HNF4G: variants seen among roughly 807,000 people sequenced by gnomAD.
HNF4G encodes the protein hepatocyte nuclear factor 4 gamma.
A neutral mutation model predicts 50.9 loss-of-function variants in HNF4G; 21 were observed. The observed-to-expected ratio is 0.41, with a 90% CI of 0.29 to 0.59. The LOEUF (loss-of-function observed/expected upper bound fraction) is 0.59. Ranked by LOEUF, HNF4G falls within the 20% of genes least tolerant of loss-of-function variation. HNF4G has a pLI of 0.26. For missense variants in HNF4G, 527 were observed against 559.4 expected, an observed-to-expected ratio of 0.94 and a Z score of 0.58; for synonymous variants, 198 against 185.6, an observed-to-expected ratio of 1.07 and a Z score of -0.54.
chr8:75,550,867 A>T (rs965444169), intron 3 of HNF4G, among the ~76,000 whole-genome samples: 4 of 152,044 alleles, frequency 2.6e-5, no homozygotes, highest in Non-Finnish European at 4.4e-5. Flanking sequence ...ATGTTGGTAA[A>T]CTGTCCCATG....
chr8:75,435,708 C>T (rs1188562902), intron 1 of HNF4G, among the ~76,000 whole-genome samples: 3 of 152,182 alleles, frequency 2.0e-5, no homozygotes, highest in African/African-American at 7.2e-5. Flanking sequence ...ATTCTCCTGA[C>T]TCAGCCTCCC....
intron 1 of HNF4G, among the ~76,000 whole-genome samples, chr8:75,419,048 A>G (rs903935558): frequency 1.3e-5 from 2 of 152,046 alleles, no homozygotes; most frequent in Non-Finnish European, 2.9e-5. Context: ...CTTGTTTTTT[A>G]AAAAATAATT....
intron 1 of HNF4G, among the ~76,000 whole-genome samples, chr8:75,427,349 G>A (rs151054257): frequency 1.0e-3 from 158 of 152,200 alleles, no homozygotes; most frequent in African/African-American, 3.3e-3. Flanking sequence ...AGGCTGAGGC[G>A]GGTGGATCAC....
At chr8:75,425,030 T>C (rs1024094512) in intron 1 of HNF4G, among the ~76,000 whole-genome samples, 4 of 152,008 alleles carry the variant, frequency 2.6e-5, no homozygotes, top group African/African-American at 4.8e-5. Context: ...AGCATTTCCT[T>C]TTCTCTGCAG....
intron 1 of HNF4G, among the ~76,000 whole-genome samples, chr8:75,489,162 T>C (rs1486082681): frequency 2.0e-5 from 3 of 152,194 alleles, no homozygotes; most frequent in South Asian, 2.1e-4. Flanking sequence ...ATGGTAAAGG[T>C]CCTGCCTTTC....
intron 2 of HNF4G, among the ~76,000 whole-genome samples, chr8:75,494,023 G>T (rs935257220): frequency 1.3e-5 from 2 of 151,944 alleles, no homozygotes; most frequent in African/African-American, 4.8e-5. Context: ...GCATTGTATT[G>T]CTATTTCAAA....
rs995120646 is a variant in HNF4G, at chr8:75,551,656, C to T, written c.489+162C>T. On this transcript the variant is annotated intron_variant, in intron 4 of 9. Coordinates refer to ENST00000396423, the MANE Select transcript of HNF4G (RefSeq NM_004133.5). Reference sequence around the variant, plus strand: ...TACTTTGAAAGTTTGAGTGGGACTGCTGACTTAATTTTGACTGTTCTTGAA... The same window carrying T: ...TACTTTGAAAGTTTGAGTGGGACTGTTGACTTAATTTTGACTGTTCTTGAA... Among the ~76,000 whole-genome samples, 43 of 152,172 alleles carry T rather than the reference C, an allele frequency of 2.8e-4. 1 individual carries two copies. The highest frequency in any genetic ancestry group is 1.3e-4 in the Non-Finnish European group (9 of 68,032).
At chr8:75,544,014 A>G (rs1417978783) in intron 2 of HNF4G, 35 bp downstream of exon 2, 2 of 1,527,204 alleles carry the variant, frequency 1.3e-6, no homozygotes, top group Non-Finnish European at 1.8e-6. Context: ...AGTTATCTTT[A>G]CAGATGTTTC....
intron 2 of HNF4G, among the ~76,000 whole-genome samples, chr8:75,503,211 T>G (rs1177400541): frequency 6.6e-6 from 1 of 152,112 alleles, no homozygotes; most frequent in African/African-American, 2.4e-5. Flanking sequence ...TAGCCCTGTG[T>G]TTGTGTTTGG....
intron 1 of HNF4G, among the ~76,000 whole-genome samples, chr8:75,481,450 G>GA (rs1372906583): frequency 6.6e-6 from 1 of 151,968 alleles, no homozygotes; most frequent in African/African-American, 2.4e-5. Flanking sequence ...TATCAGCCAG[G>GA]AAAAAACTTT....
chr8:75,502,388 A>G (rs1015162090), intron 2 of HNF4G, among the ~76,000 whole-genome samples: 6 of 152,322 alleles, frequency 3.9e-5, no homozygotes, highest in Admixed American at 6.5e-5. Context: ...TGAATTTTAT[A>G]AACCTGCATT....
intron 1 of HNF4G, among the ~76,000 whole-genome samples, chr8:75,470,459 C>T (rs1369381058): frequency 6.6e-6 from 1 of 152,080 alleles, no homozygotes; most frequent in Non-Finnish European, 1.5e-5. Context: ...CTGTTTCTCT[C>T]CCCCCACAGA....
rs1258303715 is a variant in HNF4G, at chr8:75,566,553, G to A, written c.*2457G>A. 6.6e-6 allele frequency: 1 copy of A among 152,178 alleles called. No homozygotes were observed. Among genetic ancestry groups the A allele is most frequent in the Non-Finnish European group, 1.5e-5 (1 of 67,958 alleles). 9.4% of individuals were successfully genotyped at this position (152,178 alleles called of 1,614,324 possible). A position where few individuals can be genotyped will look rare whatever the true frequency, so the allele number is the denominator to read the frequency against. On this transcript the variant is annotated 3_prime_UTR_variant, in exon 10 of 10. Coordinates refer to ENST00000396423, the MANE Select transcript of HNF4G (RefSeq NM_004133.5). ...ATATACTGAACTGCCATAGATGCTG[G>A]AAAAAAGGAACTGATGTTTTCAGCA...
intron 1 of HNF4G, among the ~76,000 whole-genome samples, chr8:75,452,770 G>A (rs912235733): frequency 3.3e-5 from 5 of 151,914 alleles, no homozygotes; most frequent in Admixed American, 2.6e-4. Flanking sequence ...GTAACTGTTT[G>A]AGCCATGATT....
At chr8:75,532,443 C>T (rs932649389) in intron 2 of HNF4G, among the ~76,000 whole-genome samples, 2 of 151,924 alleles carry the variant, frequency 1.3e-5, no homozygotes, top group Non-Finnish European at 2.9e-5. Flanking sequence ...GAAATATGTT[C>T]AATGTTGAGT....
rs1428053562 is a variant in HNF4G at position 75,540,845 on chromosome 8, A to ATGTGTGTGTGTGTGTG, written c.118+770_118+771insGTGTGTGTGTGTGTGT. On this transcript the variant is annotated intron_variant, in intron 1 of 9. Transcript: ENST00000396423. ...CGAGTAATTATGTATACTTTGGAAA[A>ATGTGTGTGTGTGTGTG]TGTGTATGTGTGTGTGTGTGTGTGT... is the stretch of plus-strand genomic sequence containing the variant. 6.4e-3 allele frequency among the ~76,000 whole-genome samples: 598 copies of ATGTGTGTGTGTGTGTG among 93,260 alleles called. 3 individuals are homozygous for ATGTGTGTGTGTGTGTG. The highest frequency in any genetic ancestry group is 0.028 in the African/African-American group (550 of 19,864). The allele number at this position is 93,260 out of a possible 152,430, so 61.2% of individuals were successfully genotyped here.
rs1805099 is a variant in HNF4G, at chr8:75,553,125, A to G, written c.573A>G (p.Lys191=). The G allele has an allele frequency of 0.07, 113,082 of 1,612,440 alleles. 4,768 individuals carry two copies. The highest frequency in any genetic ancestry group is 0.18 in the African/African-American group (13,625 of 74,840). ...ASIGDVCESM[K]QQLLVLVEWA... is the part of the protein sequence containing the mutation. ...TTGGTGATGTCTGTGAATCTATGAA[A>G]CAGCAGCTCTTAGTCTTGGTGGAAT... Residue 191 remains lysine (K), a synonymous_variant, in exon 5 of 10, where the codon AAA becomes AAG. Transcript: ENST00000396423.
At chr8:75,541,122 G>C (rs1036026185) in intron 1 of HNF4G, among the ~76,000 whole-genome samples, 6 of 152,020 alleles carry the variant, frequency 3.9e-5, no homozygotes, top group African/African-American at 1.4e-4. Flanking sequence ...GACTTGACTA[G>C]AGATATTTAA....
chr8:75,487,527 A>C (rs1812525667), intron 1 of HNF4G, among the ~76,000 whole-genome samples: 1 of 152,052 alleles, frequency 6.6e-6, no homozygotes, highest in South Asian at 2.1e-4. Context: ...TATCCTTTCA[A>C]ACACTAATTA....
Sources: gnomAD v4.1 joint callset for allele counts (sites outside exome capture counted in the v4.1 genomes callset) on GRCh38, gnomAD v4.1.1 for gene constraint, MANE v1.5 for transcripts, NCBI Gene and HGNC (gene_info 2026-07-23, HGNC 2026-07-21) for gene names.